The following MAP1LC3A variants were observed in gnomAD, a reference collection of about 807,000 sequenced individuals.
The protein encoded by MAP1LC3A is microtubule associated protein 1 light chain 3 alpha.
MAP1LC3A carries 10 observed loss-of-function variants against 15.2 expected under a neutral mutation model. That is an observed-to-expected ratio of 0.66 (90% CI 0.41 to 1.12). MAP1LC3A has a LOEUF of 1.12. Ranked by LOEUF, MAP1LC3A falls within the 50% of genes most tolerant of loss-of-function variation. The probability of loss-of-function intolerance (pLI) is 0.00; values close to 1 mark genes in which losing one functional copy is unlikely to be tolerated. For missense variants in MAP1LC3A, 138 were observed against 167.3 expected, an observed-to-expected ratio of 0.82 and a Z score of 0.97; for synonymous variants, 63 against 64.3, an observed-to-expected ratio of 0.98 and a Z score of 0.10.
upstream of MAP1LC3A, among the ~76,000 whole-genome samples, chr20:34,557,081 A>C (rs940580094): frequency 1.3e-5 from 2 of 152,046 alleles, no homozygotes; most frequent in Non-Finnish European, 2.9e-5. Flanking sequence ...TCTCTAGTAC[A>C]CCTTTTCCCA....
At chr20:34,554,700 C>T (rs370434723), upstream of MAP1LC3A, among the ~76,000 whole-genome samples, 32 of 151,476 alleles carry the variant, frequency 2.1e-4, no homozygotes, top group Middle Eastern at 3.4e-3. Flanking sequence ...TGGGGTCTCT[C>T]GCTCTGTCGC....
At chr20:34,559,118 T>A in intron 1 of MAP1LC3A, 90 bp from the exon 2 acceptor site, 1 of 1,379,460 alleles carries the variant, frequency 7.2e-7, no homozygotes, top group Non-Finnish European at 9.4e-7. Flanking sequence ...GGGCTGGAGC[T>A]GGGGCGTGGC....
At position 34,559,643 on chromosome 20, in the gene MAP1LC3A, G is replaced by A. The variant is rs560721010; in HGVS notation, c.204-93G>A. On this transcript the variant is annotated intron_variant, in intron 3 of 3. Coordinates refer to ENST00000360668, the MANE Select transcript of MAP1LC3A (RefSeq NM_032514.4). ...AGAGGTGACAGCTGGGGTGAGAATG[G>A]GTGTGAAAGGCTGGGAATCATTCTG... is the stretch of plus-strand genomic sequence containing the variant. 235 of 1,380,712 alleles carry A rather than the reference G, an allele frequency of 1.7e-4. 1 individual carries two copies. Among genetic ancestry groups the A allele is most frequent in the Middle Eastern group, 1.6e-3 (6 of 3,762 alleles). 85.5% of individuals were successfully genotyped at this position (1,380,712 alleles called of 1,614,324 possible). A position where few individuals can be genotyped will look rare whatever the true frequency, so the allele number is the denominator to read the frequency against.
Position 34,559,276 on chromosome 20 carries a change from C to T in MAP1LC3A, c.96+13C>T. Reference sequence around the variant, plus strand: ...CAGCAAAATCCCGGTGAGTCCCGCACCCCCAGCCCTGCCCCGCCCCCGCCT... The same window carrying T: ...CAGCAAAATCCCGGTGAGTCCCGCATCCCCAGCCCTGCCCCGCCCCCGCCT... On this transcript the variant is annotated intron_variant, in intron 2 of 3. Transcript: ENST00000360668. 4 of 1,598,448 alleles carry T rather than the reference C, an allele frequency of 2.5e-6. No homozygotes were observed. Among genetic ancestry groups the T allele is most frequent in the Non-Finnish European group, 3.4e-6 (4 of 1,173,618 alleles).
At chr20:34,554,875 T>A (rs1297305173), upstream of MAP1LC3A, among the ~76,000 whole-genome samples, 1 of 151,044 alleles carries the variant, frequency 6.6e-6, no homozygotes, top group East Asian at 2.0e-4. Flanking sequence ...GTATTTTTTG[T>A]ATTTTTTTTT....
At chr20:34,558,477 A>C, upstream of MAP1LC3A, 1 of 1,013,892 alleles carries the variant, frequency 9.9e-7, no homozygotes, top group Non-Finnish European at 1.2e-6. The surrounding 1 kb of genome is among the most constrained non-coding windows in gnomAD (Gnocchi z 4.3). Flanking sequence ...CCATCGGCCT[A>C]GGGCGGCCCC....
chr20:34,549,090 A>G (rs185085657), intron 1 of MAP1LC3A, among the ~76,000 whole-genome samples: 22 of 151,674 alleles, frequency 1.5e-4, no homozygotes, highest in Admixed American at 2.6e-4. Context: ...CAGTGGTGCA[A>G]TCTTGGCTCA....
Position 34,559,217 on chromosome 20 carries a change from G to A in MAP1LC3A, c.50G>A (p.Cys17Tyr), listed in dbSNP as rs1274333290. 6.2e-7 allele frequency: 1 copy of A among 1,601,892 alleles called. No individual in the cohort carries two copies. Among genetic ancestry groups the A allele is most frequent in the Admixed American group, 1.7e-5 (1 of 59,426 alleles). Residue 17 changes from cysteine to tyrosine, a missense_variant, in exon 2 of 4, where the codon TGT becomes TAT. Cys to Tyr is a radical substitution (Grantham distance 194). Transcript: ENST00000360668. ...FKQRRSFADR[C>Y]KEVQQIRDQH... is the part of the protein sequence containing the mutation. Reference sequence around the variant, plus strand: ...TGGCCGCTGTCCGCAGCCGACCGCTGTAAGGAGGTACAGCAGATCCGCGAC... The same window carrying A: ...TGGCCGCTGTCCGCAGCCGACCGCTATAAGGAGGTACAGCAGATCCGCGAC...
intron 1 of MAP1LC3A, 134 bp from the exon 2 acceptor site, chr20:34,559,074 C>T (rs1446285073): frequency 3.0e-6 from 4 of 1,342,584 alleles, no homozygotes; most frequent in South Asian, 1.7e-5. Context: ...CGATAGGTGC[C>T]AGGGGCTGTG....
upstream of MAP1LC3A, chr20:34,558,352 C>A (rs550923439): frequency 9.0e-4 from 890 of 987,210 alleles, 1 homozygote; most frequent in Middle Eastern, 1.0e-3. The surrounding 1 kb of genome is among the most constrained non-coding windows in gnomAD (Gnocchi z 4.3). Flanking sequence ...CCCGTGAAGG[C>A]GCCGGGCCTT....
upstream of MAP1LC3A, chr20:34,558,715 A>C: frequency 3.9e-6 from 5 of 1,287,950 alleles, no homozygotes; most frequent in African/African-American, 1.6e-5. The surrounding 1 kb of genome is among the most constrained non-coding windows in gnomAD (Gnocchi z 4.3). Context: ...ACCTGACGTC[A>C]CCGGGCGAGT....
At chr20:34,556,047 T>C (rs574710478), upstream of MAP1LC3A, among the ~76,000 whole-genome samples, 13 of 151,812 alleles carry the variant, frequency 8.6e-5, no homozygotes, top group South Asian at 2.7e-3. Flanking sequence ...TTTCACCATG[T>C]TAGCCAGGAT....
chr20:34,550,078 T>G (rs1315840196), intron 2 of MAP1LC3A: 1 of 1,580,368 alleles, frequency 6.3e-7, no homozygotes. Flanking sequence ...GGGCCTATGG[T>G]CTGTCCACAC....
intron 1 of MAP1LC3A, among the ~76,000 whole-genome samples, chr20:34,547,417 C>CTT (rs935450076): frequency 2.8e-4 from 34 of 121,056 alleles, no homozygotes; most frequent in African/African-American, 3.8e-4. Context: ...CGCTCCCCAC[C>CTT]TTTTTTTTTT....
upstream of MAP1LC3A, among the ~76,000 whole-genome samples, chr20:34,555,104 T>C (rs140605128): frequency 3.9e-4 from 59 of 152,116 alleles, no homozygotes; most frequent in Non-Finnish European, 7.5e-4. Context: ...TCCTGAGTAG[T>C]TGGGACTATA....
chr20:34,560,182 G>A lies in MAP1LC3A; in HGVS notation c.*284G>A, dbSNP rs78112782. The A allele has an allele frequency of 3.9e-5, 6 of 152,316 alleles. No homozygotes were observed. The highest frequency in any genetic ancestry group is 3.9e-4 in the East Asian group (2 of 5,194). 9.4% of individuals were successfully genotyped at this position (152,316 alleles called of 1,614,324 possible). ...TCATCTTTTTTTTAGGCCCCTGCCT[G>A]TCTGCCCATCTGCCCCTCACCCACC... is the stretch of plus-strand genomic sequence containing the variant. On this transcript the variant is annotated 3_prime_UTR_variant, in exon 4 of 4. Transcript: ENST00000360668.
chr20:34,558,332 C>T (rs776596682), upstream of MAP1LC3A: 12 of 986,516 alleles, frequency 1.2e-5, no homozygotes, highest in African/African-American at 5.2e-5. The surrounding 1 kb of genome is among the most constrained non-coding windows in gnomAD (Gnocchi z 4.3). Context: ...TCCCTTCTCT[C>T]GCCCTAAGCC....
intron 1 of MAP1LC3A, among the ~76,000 whole-genome samples, chr20:34,548,737 C>T (rs1981834068): frequency 6.7e-6 from 1 of 149,570 alleles, no homozygotes; most frequent in Admixed American, 6.7e-5. Flanking sequence ...TGGAGTCTTG[C>T]TCTTGTCTCC....
chr20:34,559,558 G>T, intron 3 of MAP1LC3A, 105 bp downstream of exon 3: 1 of 1,275,994 alleles, frequency 7.8e-7, no homozygotes. Flanking sequence ...ACCGGGCGGT[G>T]GGCCCCTGTT....
Sources: gnomAD v4.1 joint callset for allele counts (sites outside exome capture counted in the v4.1 genomes callset) on GRCh38, gnomAD v4.1.1 for gene constraint, Gnocchi (gnomAD v3.1) non-coding constraint, MANE v1.5 for transcripts, NCBI Gene and HGNC (gene_info 2026-07-23, HGNC 2026-07-21) for gene names.